Variants in KCNT2 observed in about 807,000 individuals in gnomAD.
KCNT2 encodes the protein potassium channel subfamily T member 2.
KCNT2 carries 67 observed loss-of-function variants against 153.8 expected under a neutral mutation model. The ratio of observed to expected loss-of-function variants is 0.44; its 90% CI spans 0.36 to 0.53. KCNT2 has a LOEUF of 0.53. KCNT2 is among the 20% of genes least tolerant of loss of function. The pLI is 0.00. For missense variants in KCNT2, 975 were observed against 1,354.8 expected, an observed-to-expected ratio of 0.72 and a Z score of 4.40; for synonymous variants, 500 against 458.8, an observed-to-expected ratio of 1.09 and a Z score of -1.15.
At chr1:196,425,810 C>T (rs566223128) in intron 11 of KCNT2, 42 bp downstream of exon 11, 4 of 1,603,978 alleles carry the variant, frequency 2.5e-6, no homozygotes, top group South Asian at 2.2e-5. Context: ...TATTAAGTCA[C>T]TCAAAACTGT....
At chr1:196,248,795 C>G (rs1368933417) in intron 26 of KCNT2, among the ~76,000 whole-genome samples, 1 of 152,114 alleles carries the variant, frequency 6.6e-6, no homozygotes, top group African/African-American at 2.4e-5. Flanking sequence ...CAAAGTCTTT[C>G]TAAGAGGCCA....
chr1:196,445,043 T>G (rs1452466067), intron 8 of KCNT2, among the ~76,000 whole-genome samples: 2 of 151,354 alleles, frequency 1.3e-5, no homozygotes, highest in African/African-American at 4.8e-5. Flanking sequence ...TCTTTTTGCT[T>G]AAATTTATTT....
At chr1:196,561,100 A>C (rs1304317474) in intron 1 of KCNT2, among the ~76,000 whole-genome samples, 1 of 151,862 alleles carries the variant, frequency 6.6e-6, no homozygotes, top group African/African-American at 2.4e-5. Context: ...AATTACTAAA[A>C]GAGTAGTTTT....
Position 196,423,035 on chromosome 1 carries a change from A to G in KCNT2, c.1185+15T>C. 6.6e-7 allele frequency: 1 copy of G among 1,525,646 alleles called. No homozygotes were observed. Among genetic ancestry groups the G allele is most frequent in the Non-Finnish European group, 8.9e-7 (1 of 1,126,182 alleles). The allele number at this position is 1,525,646 out of a possible 1,614,324, so 94.5% of individuals were successfully genotyped here. ...TGGAAAGCACAACTTACTAAAAAAG[A>G]TTTTAGAAACTTACAGATGATGTCC... On this transcript the variant is annotated intron_variant, in intron 12 of 27. Coordinates refer to ENST00000294725, the MANE Select transcript of KCNT2 (RefSeq NM_198503.5).
chr1:196,371,475 T>A (rs185260666), intron 14 of KCNT2, among the ~76,000 whole-genome samples: 392 of 152,170 alleles, frequency 2.6e-3, no homozygotes, highest in African/African-American at 9.1e-3. Context: ...AATTGTACAC[T>A]TTAAATGGGT....
intron 1 of KCNT2, among the ~76,000 whole-genome samples, chr1:196,540,125 G>T (rs1243395908): frequency 6.6e-6 from 1 of 152,028 alleles, no homozygotes; most frequent in Non-Finnish European, 1.5e-5. Flanking sequence ...CTATGCTGTT[G>T]TTGAGTAAAA....
chr1:196,276,880 C>G (rs1278047541), intron 25 of KCNT2, among the ~76,000 whole-genome samples: 1 of 152,088 alleles, frequency 6.6e-6, no homozygotes, highest in African/African-American at 2.4e-5. Flanking sequence ...GTCTCCTGCT[C>G]ATCTCTCTGA....
At chr1:196,482,203 G>C (rs1679071577) in intron 4 of KCNT2, 128 bp downstream of exon 4, 1 of 640,148 alleles carries the variant, frequency 1.6e-6, no homozygotes, top group South Asian at 1.9e-5. Flanking sequence ...GTTAGTCCAA[G>C]ATGTGCATGA....
chr1:196,242,515 T>C (rs1571766750), intron 26 of KCNT2, among the ~76,000 whole-genome samples: 1 of 152,282 alleles, frequency 6.6e-6, no homozygotes, highest in Non-Finnish European at 1.5e-5. Flanking sequence ...AATAAGTACA[T>C]ACCAAGCTTT....
intron 8 of KCNT2, among the ~76,000 whole-genome samples, chr1:196,452,474 A>G (rs1381690534): frequency 6.6e-6 from 1 of 151,954 alleles, no homozygotes; most frequent in Non-Finnish European, 1.5e-5. Context: ...GTCTCCATTC[A>G]TGTAGATGAC....
chr1:196,597,268 T>TAA (rs143356142), intron 1 of KCNT2, among the ~76,000 whole-genome samples: 210 of 142,748 alleles, frequency 1.5e-3, no homozygotes, highest in African/African-American at 4.9e-3. Context: ...CCACCTACAC[T>TAA]AAAAAAAAAA....
intron 14 of KCNT2, among the ~76,000 whole-genome samples, chr1:196,352,672 A>AT (rs1185356183): frequency 6.6e-6 from 1 of 151,776 alleles, no homozygotes. Flanking sequence ...GGATTCATTA[A>AT]TTTTTTGAAG....
At chr1:196,466,586 T>C (rs1195161024) in intron 7 of KCNT2, among the ~76,000 whole-genome samples, 1 of 152,078 alleles carries the variant, frequency 6.6e-6, no homozygotes, top group African/African-American at 2.4e-5. Flanking sequence ...CCTTACTTTG[T>C]TGTGCCAGAT....
chr1:196,378,488 T>C (rs1669159762), intron 13 of KCNT2, among the ~76,000 whole-genome samples: 1 of 151,930 alleles, frequency 6.6e-6, no homozygotes, highest in East Asian at 2.0e-4. Flanking sequence ...ATTTATTCCC[T>C]ATGTCAAATA....
intron 7 of KCNT2, among the ~76,000 whole-genome samples, chr1:196,465,700 A>G (rs1428848614): frequency 2.0e-5 from 3 of 152,096 alleles, no homozygotes; most frequent in African/African-American, 4.8e-5. Context: ...CATGTTAAGC[A>G]TGAACTTTTA....
intron 1 of KCNT2, among the ~76,000 whole-genome samples, chr1:196,551,289 G>A (rs1657864369): frequency 6.6e-6 from 1 of 151,768 alleles, no homozygotes; most frequent in African/African-American, 2.4e-5. Flanking sequence ...TTGGTTTGAA[G>A]AACAAACATA....
intron 26 of KCNT2, among the ~76,000 whole-genome samples, chr1:196,243,965 T>C (rs1655189541): frequency 6.6e-6 from 1 of 150,958 alleles, no homozygotes; most frequent in African/African-American, 2.4e-5. Flanking sequence ...GACGAAAGAG[T>C]AAAAAGGACT....
intron 1 of KCNT2, among the ~76,000 whole-genome samples, chr1:196,557,144 A>G (rs1658784256): frequency 6.6e-6 from 1 of 151,246 alleles, no homozygotes; most frequent in South Asian, 2.1e-4. Flanking sequence ...AGTATAATTG[A>G]ATTGTTCAGA....
chr1:196,280,925 A>G lies in KCNT2; in HGVS notation c.2845T>C (p.Ser949Pro). ...CCAATGGGAACATCTCCAGTAGAAGAACACAACTTCTGATAAAGTCTGGCA... is the reference window on the plus strand; with the variant it reads ...CCAATGGGAACATCTCCAGTAGAAGGACACAACTTCTGATAAAGTCTGGCA... Reference protein sequence around the residue: ...TYARLYQKLCSSTGDVPIGIY... With the variant: ...TYARLYQKLCPSTGDVPIGIY... Residue 949 changes from serine to proline, a missense_variant, in exon 25 of 28, where the codon TCT becomes CCT. Transcript: ENST00000294725. 6.2e-7 allele frequency: 1 copy of G among 1,610,456 alleles called. No homozygotes were observed. Among genetic ancestry groups the G allele is most frequent in the Non-Finnish European group, 8.5e-7 (1 of 1,176,668 alleles).
Sources: gnomAD v4.1 joint callset for allele counts (sites outside exome capture counted in the v4.1 genomes callset) on GRCh38, gnomAD v4.1.1 for gene constraint, MANE v1.5 for transcripts, NCBI Gene and HGNC (gene_info 2026-07-23, HGNC 2026-07-21) for gene names.